The following PCDHA12 variants were observed in gnomAD, a reference collection of about 807,000 sequenced individuals.
The protein encoded by PCDHA12 is protocadherin alpha-12.
PCDHA12 carries 44 observed loss-of-function variants against 60.0 expected under a neutral mutation model. That is an observed-to-expected ratio of 0.73 (90% CI 0.58 to 0.94). The LOEUF is 0.94. Ranked by LOEUF, PCDHA12 falls within the 40% of genes least tolerant of loss-of-function variation. The probability of loss-of-function intolerance (pLI) is 0.00; values close to 1 mark genes in which losing one functional copy is unlikely to be tolerated. For synonymous variants in PCDHA12, 569 were observed against 553.0 expected (o/e 1.03, Z -0.40); for missense variants, 1,276 against 1,239.7 (o/e 1.03, Z -0.44).
At chr5:140,941,019 C>T (rs569905763) in intron 1 of PCDHA12, among the ~76,000 whole-genome samples, 4 of 152,142 alleles carry the variant, frequency 2.6e-5, no homozygotes, top group East Asian at 1.9e-4. Context: ...TCCTATTTTC[C>T]TTCTGGCCTT....
chr5:140,892,054 T>G (rs1409591142), intron 1 of PCDHA12, among the ~76,000 whole-genome samples: 4 of 152,244 alleles, frequency 2.6e-5, no homozygotes, highest in African/African-American at 7.2e-5. Flanking sequence ...TTTTTCAAAT[T>G]TATTGTTACT....
intron 1 of PCDHA12, among the ~76,000 whole-genome samples, chr5:140,949,698 T>G (rs188313112): frequency 6.6e-6 from 1 of 151,984 alleles, no homozygotes; most frequent in African/African-American, 2.4e-5. Flanking sequence ...TTGTTGGATC[T>G]TGCTGTTTTA....
At chr5:140,955,990 T>C (rs246015) in intron 1 of PCDHA12, among the ~76,000 whole-genome samples, 48,106 of 152,064 alleles carry the variant, frequency 0.32, 7,958 homozygotes, top group East Asian at 0.53. Context: ...TTTTTGCACA[T>C]TGATTTTGTA....
At position 140,877,370 on chromosome 5, in the gene PCDHA12, C is replaced by G. The variant is rs781905172; in HGVS notation, c.1898C>G (p.Thr633Arg). Residue 633 changes from threonine to arginine, a missense_variant, in exon 1 of 4, where the codon ACG (threonine) becomes AGG (arginine). Thr to Arg is a moderately conservative substitution (Grantham distance 71). Coordinates refer to ENST00000398631, the MANE Select transcript of PCDHA12 (RefSeq NM_018903.4). ...GGGCTGTACACTGGCGAGATCAGCA[C>G]GACACGCATCCTGGATGAGGCGGAC... ...HVGLYTGEIS[T>R]TRILDEADAP... 6.2e-7 allele frequency: 1 copy of G among 1,614,004 alleles called. No individual in the cohort carries two copies. Among genetic ancestry groups the G allele is most frequent in the Admixed American group, 1.7e-5 (1 of 60,032 alleles).
At chr5:140,948,519 CTA>C (rs2094266581) in intron 1 of PCDHA12, among the ~76,000 whole-genome samples, 1 of 151,476 alleles carries the variant, frequency 6.6e-6, no homozygotes, top group African/African-American at 2.4e-5. Context: ...AATGTTAACA[CTA>C]TTTATATTTT....
At position 140,927,270 on chromosome 5, in the gene PCDHA12, C is replaced by T. The variant is rs541200655; in HGVS notation, c.2367+49431C>T. 5 of 1,614,150 alleles carry T rather than the reference C, an allele frequency of 3.1e-6. No individual in the cohort carries two copies. The South Asian group carries it at 3.3e-5, about 11-fold the overall frequency. ...ATGACAACTCACCTCTCTTTCCTGCCGGCGACGTGCAGCTGCACATCCCCG... is the reference window on the plus strand; with the variant it reads ...ATGACAACTCACCTCTCTTTCCTGCTGGCGACGTGCAGCTGCACATCCCCG... On this transcript the variant is annotated intron_variant, in intron 1 of 3. Transcript: ENST00000398631.
intron 1 of PCDHA12, among the ~76,000 whole-genome samples, chr5:140,908,777 TCTC>T (rs2074149319): frequency 6.6e-6 from 1 of 152,144 alleles, no homozygotes; most frequent in African/African-American, 2.4e-5. Flanking sequence ...TGTAGAGTCT[TCTC>T]CTGTTCTGTA....
intron 1 of PCDHA12, among the ~76,000 whole-genome samples, chr5:140,880,837 A>G (rs2058501881): frequency 1.3e-5 from 2 of 152,230 alleles, no homozygotes; most frequent in African/African-American, 4.8e-5. Flanking sequence ...CATATTTTAA[A>G]TGGTTGACTA....
chr5:140,984,505 TGATGCATGAGTCACA>T (rs2097106604), intron 3 of PCDHA12, among the ~76,000 whole-genome samples: 1 of 152,206 alleles, frequency 6.6e-6, no homozygotes, highest in African/African-American at 2.4e-5. Context: ...GCCTGGCTGC[TGATGCATGAGTCACA>T]GTCTTCATGG....
chr5:140,876,653 C>G lies in PCDHA12; in HGVS notation c.1181C>G (p.Pro394Arg). ...ATCTGCTCACTGACACCTCATGTTC[C>G]CTTCAAGCTGGTGTCCACCTACAAG... is the stretch of plus-strand genomic sequence containing the variant. Reference protein sequence around the residue: ...QVICSLTPHVPFKLVSTYKNY... With the variant: ...QVICSLTPHVRFKLVSTYKNY... Residue 394 changes from proline (P) to arginine (R), a missense_variant, in exon 1 of 4, where the codon CCC becomes CGC. Coordinates refer to ENST00000398631, the MANE Select transcript of PCDHA12 (RefSeq NM_018903.4). 6.2e-7 allele frequency: 1 copy of G among 1,614,200 alleles called. No individual in the cohort carries two copies. Among genetic ancestry groups the G allele is most frequent in the Non-Finnish European group, 8.5e-7 (1 of 1,180,032 alleles).
intron 1 of PCDHA12, among the ~76,000 whole-genome samples, chr5:140,880,156 A>C (rs1301821759): frequency 6.6e-6 from 1 of 152,250 alleles, no homozygotes; most frequent in Non-Finnish European, 1.5e-5. Context: ...TATATCAAGT[A>C]TATGTTAGAA....
At chr5:140,941,553 G>T in intron 1 of PCDHA12, among the ~76,000 whole-genome samples, 1 of 151,656 alleles carries the variant, frequency 6.6e-6, no homozygotes, top group East Asian at 2.0e-4. Context: ...CTGACCTCGT[G>T]ATCCATTCGC....
intron 1 of PCDHA12, among the ~76,000 whole-genome samples, chr5:140,973,118 G>T (rs1554234897): frequency 1.3e-5 from 2 of 152,168 alleles, no homozygotes; most frequent in Non-Finnish European, 2.9e-5. Context: ...TAGCAGAGAT[G>T]AATTAAGTTT....
chr5:140,901,100 C>G (rs1172808892), intron 1 of PCDHA12, among the ~76,000 whole-genome samples: 1 of 152,002 alleles, frequency 6.6e-6, no homozygotes, highest in East Asian at 1.9e-4. Flanking sequence ...CTTCTACATT[C>G]TGGTTATTCA....
At chr5:141,005,467 GC>G (rs1463928635) in intron 3 of PCDHA12, among the ~76,000 whole-genome samples, 1 of 151,982 alleles carries the variant, frequency 6.6e-6, no homozygotes, top group Non-Finnish European at 1.5e-5. Context: ...ACTTTGGGAG[GC>G]CGAGACGGGC....
At chr5:140,997,668 T>TTGTGTGTGTG (rs35184029) in intron 3 of PCDHA12, among the ~76,000 whole-genome samples, 47 of 148,344 alleles carry the variant, frequency 3.2e-4, no homozygotes, top group East Asian at 1.8e-3. Flanking sequence ...ATTATACAGC[T>TTGTGTGTGTG]TGTGTGTGTG....
Position 140,969,193 on chromosome 5 carries a change from C to T in PCDHA12, c.2368-9756C>T, listed in dbSNP as rs1232655466. The T allele has an allele frequency of 8.1e-6, 13 of 1,614,002 alleles. No homozygotes were observed. In the African/African-American group the frequency reaches 1.2e-4, roughly 15 times the overall value. ...CAGGGAGTGACACTTTCATGTTTTA[C>T]AATACAGGGGCCCAGACAGGACCAG... is the stretch of plus-strand genomic sequence containing the variant. On this transcript the variant is annotated intron_variant, in intron 1 of 3. Transcript: ENST00000398631.
At chr5:140,947,010 A>C (rs924112965) in intron 1 of PCDHA12, among the ~76,000 whole-genome samples, 7 of 151,752 alleles carry the variant, frequency 4.6e-5, no homozygotes, top group African/African-American at 1.4e-4. Flanking sequence ...AGAAATGATA[A>C]ATGTTTGAGG....
chr5:140,877,509 G>T lies in PCDHA12; in HGVS notation c.2037G>T (p.Ser679=), dbSNP rs781824762. ...LVENGQAPKT[S]SRASVGAVDP... is the part of the protein sequence containing the mutation. Reference sequence around the variant, plus strand: ...AGAACGGCCAGGCCCCAAAGACGTCGTCGCGGGCCTCAGTGGGCGCTGTGG... The same window carrying T: ...AGAACGGCCAGGCCCCAAAGACGTCTTCGCGGGCCTCAGTGGGCGCTGTGG... Residue 679 remains serine (S), a synonymous_variant, in exon 1 of 4, where the codon TCG becomes TCT. Coordinates refer to ENST00000398631, the MANE Select transcript of PCDHA12 (RefSeq NM_018903.4). 1.3e-5 allele frequency: 21 copies of T among 1,613,700 alleles called. No individual in the cohort carries two copies. Among genetic ancestry groups the T allele is most frequent in the Non-Finnish European group, 1.7e-5 (20 of 1,179,886 alleles).
Sources: allele counts gnomAD v4.1 joint callset (sites outside exome capture counted in the v4.1 genomes callset), GRCh38; gene constraint gnomAD v4.1.1; transcripts MANE v1.5; gene names NCBI Gene and HGNC (gene_info 2026-07-23, HGNC 2026-07-21).